Variants in ATAD2B observed in about 807,000 individuals in gnomAD.
ATAD2B encodes the protein ATPase family AAA domain-containing protein 2B.
ATAD2B carries 40 observed loss-of-function variants against 167.6 expected under a neutral mutation model. The observed-to-expected ratio is 0.24, with a 90% confidence interval of 0.19 to 0.31. The LOEUF (loss-of-function observed/expected upper bound fraction) is 0.31. Ranked by LOEUF, ATAD2B falls within the 10% of genes least tolerant of loss-of-function variation. The probability of loss-of-function intolerance (pLI) is 1.00; values close to 1 mark genes in which losing one functional copy is unlikely to be tolerated. For synonymous variants in ATAD2B, 579 were observed against 596.5 expected, an observed-to-expected ratio of 0.97 and a Z score of 0.43; for missense variants, 1,242 against 1,757.2, an observed-to-expected ratio of 0.71 and a Z score of 5.24.
chr2:23,783,743 T>C (rs1037477947), intron 21 of ATAD2B, among the ~76,000 whole-genome samples: 1 of 152,066 alleles, frequency 6.6e-6, no homozygotes, highest in African/African-American at 2.4e-5. Flanking sequence ...AAGAAAGTGT[T>C]AGCAACTTAT....
chr2:23,880,432 G>A (rs373176311), intron 7 of ATAD2B, among the ~76,000 whole-genome samples: 9 of 151,828 alleles, frequency 5.9e-5, no homozygotes, highest in South Asian at 4.2e-4. Flanking sequence ...TCATGGTGGC[G>A]GGCACCTGTA....
At chr2:23,881,114 C>A (rs1311028078) in intron 6 of ATAD2B, among the ~76,000 whole-genome samples, 1 of 152,044 alleles carries the variant, frequency 6.6e-6, no homozygotes, top group African/African-American at 2.4e-5. Context: ...CTCAATTAAC[C>A]ACTAAATAAG....
intron 10 of ATAD2B, chr2:23,865,990 A>C (rs1558686928): frequency 1.1e-6 from 1 of 907,686 alleles, no homozygotes; most frequent in Non-Finnish European, 1.3e-6. Context: ...AATGTTTTAC[A>C]ATGAAAGTAT....
intron 2 of ATAD2B, among the ~76,000 whole-genome samples, chr2:23,894,933 T>C (rs1277161935): frequency 6.6e-6 from 1 of 152,196 alleles, no homozygotes; most frequent in Non-Finnish European, 1.5e-5. Flanking sequence ...TAGGGACTAA[T>C]AAATGTACGC....
rs554397233 is a variant in ATAD2B, at chr2:23,906,070, C to T, written c.217-10100G>A. Among the ~76,000 whole-genome samples the T allele has an allele frequency of 2.1e-3, 315 of 152,218 alleles. 1 individual carries two copies. The highest frequency in any genetic ancestry group is 2.9e-3 in the Admixed American group (45 of 15,278). ...GAGAAAGGTCGGCTGGGTGCGGTGG[C>T]TCACACCTGTAATCCCGATACTTTG... is the stretch of plus-strand genomic sequence containing the variant. On this transcript the variant is annotated intron_variant, in intron 1 of 27. Coordinates refer to ENST00000238789, the MANE Select transcript of ATAD2B (RefSeq NM_017552.4).
At position 23,867,889 on chromosome 2, in the gene ATAD2B, T is replaced by A. The variant is rs1215087491; in HGVS notation, c.1134A>T (p.Arg378=). 1 of 1,613,744 alleles carries A rather than the reference T, an allele frequency of 6.2e-7. No individual in the cohort carries two copies. Among genetic ancestry groups the A allele is most frequent in the Admixed American group, 1.7e-5 (1 of 59,984 alleles). Reference sequence around the variant, plus strand: ...CAGCCAAGCTTGCACCCACTTTCACTCGTTCTCGGAGAATACCGCTAGCTA... The same window carrying A: ...CAGCCAAGCTTGCACCCACTTTCACACGTTCTCGGAGAATACCGCTAGCTA... The part of the protein sequence containing the change: ...EDLASGILRE[R]VKVGASLADV... Residue 378 remains arginine (R), a synonymous_variant, in exon 10 of 28, where the codon CGA becomes CGT. Transcript: ENST00000238789.
the ATAD2B span, among the ~76,000 whole-genome samples, chr2:23,687,799 G>A: frequency 1.3e-5 from 2 of 152,194 alleles, no homozygotes; most frequent in East Asian, 1.9e-4. Flanking sequence ...GTTGCTGCAG[G>A]GCCGGGTATG....
chr2:23,926,990 C>A lies in ATAD2B; in HGVS notation c.-220G>T, dbSNP rs146157237. On this transcript the variant is annotated 5_prime_UTR_variant, in exon 1 of 28. Coordinates refer to ENST00000238789, the MANE Select transcript of ATAD2B (RefSeq NM_017552.4). ...GGGAAGCGGGGGCGGTGCTGCAGAC[C>A]GGCAGCACAGACACTCCGCCGGCTT... The A allele has an allele frequency of 5.6e-6, 3 of 537,554 alleles. No homozygotes were observed. The highest frequency in any genetic ancestry group is 9.5e-6 in the Non-Finnish European group (3 of 315,922). 33.3% of individuals were successfully genotyped at this position (537,554 alleles called of 1,614,324 possible).
the ATAD2B span, among the ~76,000 whole-genome samples, chr2:23,722,707 T>C: frequency 6.6e-6 from 1 of 152,192 alleles, no homozygotes; most frequent in South Asian, 2.1e-4. Context: ...ATGATGGACA[T>C]CTAGGCCCAG....
At chr2:23,839,726 A>G (rs1426201574) in intron 13 of ATAD2B, among the ~76,000 whole-genome samples, 1 of 152,192 alleles carries the variant, frequency 6.6e-6, no homozygotes, top group African/African-American at 2.4e-5. Context: ...TTATGAAGGT[A>G]TAATTGACAT....
the ATAD2B span, among the ~76,000 whole-genome samples, chr2:23,733,413 C>A: frequency 6.6e-6 from 1 of 152,202 alleles, no homozygotes; most frequent in South Asian, 2.1e-4. Context: ...ACACCCTCTA[C>A]CTGCTGCTTA....
chr2:23,686,525 G>A, the ATAD2B span, among the ~76,000 whole-genome samples: 2 of 152,174 alleles, frequency 1.3e-5, no homozygotes, highest in Non-Finnish European at 2.9e-5. Flanking sequence ...GATGGGCAGA[G>A]GATGGGCAGG....
chr2:23,809,400 T>C (rs536485080), intron 18 of ATAD2B, among the ~76,000 whole-genome samples: 2 of 152,120 alleles, frequency 1.3e-5, no homozygotes, highest in Non-Finnish European at 2.9e-5. Context: ...AATACTACTA[T>C]GAACTGTTTA....
At chr2:23,735,847 T>C in the ATAD2B span, among the ~76,000 whole-genome samples, 6 of 152,320 alleles carry the variant, frequency 3.9e-5, no homozygotes, top group African/African-American at 1.2e-4. Flanking sequence ...ACTCTGAAGG[T>C]AACTCTTGCT....
intron 21 of ATAD2B, among the ~76,000 whole-genome samples, 176 bp from the exon 22 acceptor site, chr2:23,783,204 T>C (rs1283097083): frequency 6.6e-6 from 1 of 151,914 alleles, no homozygotes; most frequent in African/African-American, 2.4e-5. Flanking sequence ...TGTCATACTT[T>C]CCATGAAAGC....
Position 23,927,059 on chromosome 2 carries a change from C to T in ATAD2B, c.-289G>A, listed in dbSNP as rs1705005294. On this transcript the variant is annotated 5_prime_UTR_variant, in exon 1 of 28. Coordinates refer to ENST00000238789, the MANE Select transcript of ATAD2B (RefSeq NM_017552.4). ...CCGAGCGGAGCCGCCATTTCTACCC[C>T]TTTCTCTCCCGTTCTCGCTCTCGAG... 3 of 409,166 alleles carry T rather than the reference C, an allele frequency of 7.3e-6. No homozygotes were observed. 25.3% of individuals were successfully genotyped at this position (409,166 alleles called of 1,614,324 possible).
chr2:23,796,430 C>T (rs892095562), intron 19 of ATAD2B, among the ~76,000 whole-genome samples: 3 of 152,110 alleles, frequency 2.0e-5, no homozygotes, highest in African/African-American at 7.2e-5. Context: ...CTTTAAAATA[C>T]TAAACCAACA....
chr2:23,695,062 T>G, the ATAD2B span, among the ~76,000 whole-genome samples: 15 of 152,132 alleles, frequency 9.9e-5, no homozygotes, highest in Admixed American at 7.9e-4. The surrounding 1 kb of genome is among the most constrained non-coding windows in gnomAD (Gnocchi z 7.6). Context: ...CAAGGGAGCC[T>G]GTAAAACCAC....
At chr2:23,894,942 G>A (rs755121426) in intron 2 of ATAD2B, among the ~76,000 whole-genome samples, 3 of 152,086 alleles carry the variant, frequency 2.0e-5, no homozygotes, top group Non-Finnish European at 2.9e-5. Flanking sequence ...ATAAATGTAC[G>A]CAGCCTGTCA....
Sources: gnomAD v4.1 joint callset for allele counts (sites outside exome capture counted in the v4.1 genomes callset) on GRCh38, gnomAD v4.1.1 for gene constraint, Gnocchi (gnomAD v3.1) non-coding constraint, MANE v1.5 for transcripts, NCBI Gene and HGNC (gene_info 2026-07-23, HGNC 2026-07-21) for gene names.